SULT1E1: variants seen among roughly 807,000 people sequenced by gnomAD.
SULT1E1 encodes the protein sulfotransferase 1E1.
Under a neutral mutation model 33.6 loss-of-function variants are expected in SULT1E1, and 36 were observed. That is an observed-to-expected ratio of 1.07 (90% CI 0.82 to 1.41). The LOEUF (loss-of-function observed/expected upper bound fraction) is 1.41, where lower values mean the gene tolerates loss of function less well. SULT1E1 is among the 40% of genes most tolerant of loss of function. The probability of loss-of-function intolerance (pLI) is 0.00; values close to 1 mark genes in which losing one functional copy is unlikely to be tolerated. For missense variants in SULT1E1, 371 were observed against 345.7 expected (o/e 1.07, Z -0.58); for synonymous variants, 121 against 111.7 (o/e 1.08, Z -0.53).
intron 6 of SULT1E1, among the ~76,000 whole-genome samples, chr4:69,844,939 TTCTC>T (rs1410089844): frequency 1.3e-5 from 2 of 152,114 alleles, no homozygotes. Context: ...AAGTGCACAT[TTCTC>T]TCTATGCCAA....
the SULT1E1 span, among the ~76,000 whole-genome samples, chr4:69,828,576 G>GT: frequency 6.6e-6 from 1 of 152,150 alleles, no homozygotes; most frequent in African/African-American, 2.4e-5. Flanking sequence ...TTTAAGAACT[G>GT]TAACAGTCAC....
At chr4:69,856,457 C>T (rs533719981) in intron 2 of SULT1E1, among the ~76,000 whole-genome samples, 6 of 152,286 alleles carry the variant, frequency 3.9e-5, no homozygotes, top group African/African-American at 1.4e-4. Flanking sequence ...TGTTAAGAGG[C>T]TGACTGTGAG....
intron 4 of SULT1E1, among the ~76,000 whole-genome samples, chr4:69,853,110 G>A (rs534942738): frequency 1.1e-4 from 16 of 152,018 alleles, no homozygotes; most frequent in South Asian, 6.2e-4. Context: ...GCCATGTAAC[G>A]GATTACAAAA....
At chr4:69,842,630 A>G (rs763969938) in intron 7 of SULT1E1, among the ~76,000 whole-genome samples, 1 of 152,190 alleles carries the variant, frequency 6.6e-6, no homozygotes, top group Non-Finnish European at 1.5e-5. Context: ...GTATCTACAC[A>G]TAAGCTTGGA....
the SULT1E1 span, among the ~76,000 whole-genome samples, chr4:69,831,839 C>G: frequency 6.6e-6 from 1 of 152,154 alleles, no homozygotes; most frequent in Non-Finnish European, 1.5e-5. Context: ...CGGTCCCACA[C>G]CGCTCGGAGC....
intron 5 of SULT1E1, among the ~76,000 whole-genome samples, chr4:69,848,625 ATCT>A (rs1560555473): frequency 6.6e-6 from 1 of 151,574 alleles, no homozygotes; most frequent in East Asian, 1.9e-4. Flanking sequence ...GGTCTTGACA[ATCT>A]TAAGACATAT....
At chr4:69,827,133 C>T in the SULT1E1 span, among the ~76,000 whole-genome samples, 1 of 152,128 alleles carries the variant, frequency 6.6e-6, no homozygotes, top group Non-Finnish European at 1.5e-5. Flanking sequence ...TCAGATGATC[C>T]TGATAGGTAC....
chr4:69,824,644 C>T, the SULT1E1 span, among the ~76,000 whole-genome samples: 1 of 152,088 alleles, frequency 6.6e-6, no homozygotes, highest in Non-Finnish European at 1.5e-5. Flanking sequence ...GGTAAATGCA[C>T]CAATCAGCAC....
intron 1 of SULT1E1, among the ~76,000 whole-genome samples, chr4:69,858,348 G>A (rs1721292900): frequency 6.6e-6 from 1 of 152,110 alleles, no homozygotes. Flanking sequence ...GGTTAAGCAA[G>A]ATGGTTATCA....
At chr4:69,827,586 T>C in the SULT1E1 span, among the ~76,000 whole-genome samples, 1 of 152,136 alleles carries the variant, frequency 6.6e-6, no homozygotes, top group African/African-American at 2.4e-5. Flanking sequence ...CGAGGGTCAA[T>C]TGATCCTAAA....
In SULT1E1 at chr4:69,854,217, C is replaced by T; in HGVS notation, c.369G>A (p.Lys123=). ...LPASFWEKDC[K]IIYLCRNAKD... ...TTTGAGAACACTTGACTCTGGTTAC[C>T]TTACAATCCTTTTCCCAAAATGAGG... The change falls in exon 4 of 8, where the codon AAG becomes AAA. Residue 123 remains lysine (K), a splice_region_variant and synonymous_variant. Transcript: ENST00000226444. 6.2e-7 allele frequency: 1 copy of T among 1,608,978 alleles called. No individual in the cohort carries two copies. Among genetic ancestry groups the T allele is most frequent in the African/African-American group, 1.3e-5 (1 of 74,932 alleles).
chr4:69,852,119 A>G lies in SULT1E1; in HGVS notation c.369+2098T>C, dbSNP rs937221065. On this transcript the variant is annotated intron_variant, in intron 4 of 7. Coordinates refer to ENST00000226444, the MANE Select transcript of SULT1E1 (RefSeq NM_005420.3). ...GCACATGTACCCTAAAACTTGAAGTATAATTAAAAAAAGACCCCTATTCTA... is the reference window on the plus strand; with the variant it reads ...GCACATGTACCCTAAAACTTGAAGTGTAATTAAAAAAAGACCCCTATTCTA... Among the ~76,000 whole-genome samples the G allele has an allele frequency of 3.3e-5, 5 of 152,178 alleles. No homozygotes were observed. In the East Asian group the frequency reaches 9.6e-4, roughly 29 times the overall value.
At chr4:69,823,729 C>T in the SULT1E1 span, among the ~76,000 whole-genome samples, 2 of 152,114 alleles carry the variant, frequency 1.3e-5, no homozygotes, top group African/African-American at 2.4e-5. Flanking sequence ...TAAATATTTG[C>T]CTTTCGGTCT....
Position 69,854,318 on chromosome 4 carries a change from AT to A in SULT1E1, c.272-5del. ...ATCTCATCTAATTGTTTTACTCCTGATTTTTAAAAAAGTAAAGGTTAAGCAA... is the reference window on the plus strand; with the variant it reads ...ATCTCATCTAATTGTTTTACTCCTGATTTTAAAAAAGTAAAGGTTAAGCAA... On this transcript the variant is annotated splice_region_variant and splice_polypyrimidine_tract_variant and intron_variant, in intron 3 of 7. Transcript: ENST00000226444. The A allele has an allele frequency of 6.3e-7, 1 of 1,595,648 alleles. No homozygotes were observed. Among genetic ancestry groups the A allele is most frequent in the Non-Finnish European group, 8.6e-7 (1 of 1,168,772 alleles).
chr4:69,854,127 GAATA>G (rs1721182173), intron 4 of SULT1E1, 86 bp downstream of exon 4: 40 of 818,542 alleles, frequency 4.9e-5, no homozygotes, highest in Non-Finnish European at 7.5e-5. Flanking sequence ...TTCAATGAAA[GAATA>G]AATAAACAAG....
chr4:69,821,994 G>A, the SULT1E1 span, among the ~76,000 whole-genome samples: 2 of 152,152 alleles, frequency 1.3e-5, no homozygotes, highest in African/African-American at 4.8e-5. Context: ...TTGCTCACTT[G>A]TGAACTATCC....
At chr4:69,825,001 A>T in the SULT1E1 span, among the ~76,000 whole-genome samples, 2 of 152,170 alleles carry the variant, frequency 1.3e-5, no homozygotes, top group Non-Finnish European at 2.9e-5. Context: ...ATTCACTGTG[A>T]AGGTCTGCAG....
intron 7 of SULT1E1, among the ~76,000 whole-genome samples, chr4:69,842,479 C>A (rs1720901816): frequency 6.6e-6 from 1 of 152,188 alleles, no homozygotes; most frequent in South Asian, 2.1e-4. Context: ...GCTTTATATA[C>A]AACTGCCTAC....
At chr4:69,828,290 A>G in the SULT1E1 span, among the ~76,000 whole-genome samples, 46 of 152,312 alleles carry the variant, frequency 3.0e-4, 2 homozygotes, top group Admixed American at 2.4e-3. Flanking sequence ...GCTCTTCACA[A>G]TAAATCTTGC....
Sources: gnomAD v4.1 joint callset for allele counts (sites outside exome capture counted in the v4.1 genomes callset) on GRCh38, gnomAD v4.1.1 for gene constraint, MANE v1.5 for transcripts, NCBI Gene and HGNC (gene_info 2026-07-23, HGNC 2026-07-21) for gene names.